Variants in TAS2R1 observed in about 807,000 individuals in gnomAD.
TAS2R1 encodes taste receptor type 2 member 1.
For missense variants in TAS2R1, 370 were observed against 353.4 expected (o/e 1.05, Z -0.38); for synonymous variants, 141 against 134.2 (o/e 1.05, Z -0.35).
chr5:9,666,893 A>G (rs1024707837), intron 1 of TAS2R1, among the ~76,000 whole-genome samples: 1 of 152,196 alleles, frequency 6.6e-6, no homozygotes, highest in African/African-American at 2.4e-5. Context: ...AAATAAAGTG[A>G]TGGGTAAAAT....
chr5:9,748,968 C>T, the TAS2R1 span, among the ~76,000 whole-genome samples: 1,437 of 152,160 alleles, frequency 9.4e-3, 22 homozygotes, highest in African/African-American at 0.033. Flanking sequence ...TTTCCTTTCT[C>T]TCTTCTCATT....
chr5:9,812,762 G>A, the TAS2R1 span, among the ~76,000 whole-genome samples: 29 of 152,248 alleles, frequency 1.9e-4, no homozygotes, highest in African/African-American at 6.7e-4. Context: ...GGTCACTGCC[G>A]TAGAACAGTT....
the TAS2R1 span, among the ~76,000 whole-genome samples, chr5:9,797,460 G>C: frequency 6.6e-6 from 1 of 152,032 alleles, no homozygotes; most frequent in Non-Finnish European, 1.5e-5. Context: ...CACTGCTTCT[G>C]AATGAGAAAA....
chr5:9,755,174 C>T, the TAS2R1 span, among the ~76,000 whole-genome samples: 6 of 152,150 alleles, frequency 3.9e-5, no homozygotes, highest in African/African-American at 1.2e-4. Flanking sequence ...GGGGATATAG[C>T]TTTGTTACCA....
chr5:9,893,320 GT>G, the TAS2R1 span, among the ~76,000 whole-genome samples: 1 of 151,224 alleles, frequency 6.6e-6, no homozygotes, highest in Non-Finnish European at 1.5e-5. Flanking sequence ...TCTAGTCCAT[GT>G]TTTCTTTTGT....
chr5:9,802,548 C>T, the TAS2R1 span, among the ~76,000 whole-genome samples: 1 of 152,132 alleles, frequency 6.6e-6, no homozygotes, highest in South Asian at 2.1e-4. Flanking sequence ...GATCATAGGT[C>T]CAAAGATCTA....
chr5:9,875,219 G>C, the TAS2R1 span, among the ~76,000 whole-genome samples: 14 of 152,318 alleles, frequency 9.2e-5, no homozygotes, highest in East Asian at 2.5e-3. Context: ...ATCAATGAGG[G>C]AGCGGGCAGG....
the TAS2R1 span, among the ~76,000 whole-genome samples, chr5:9,863,788 A>G: frequency 1.9e-4 from 29 of 152,206 alleles, 1 homozygote; most frequent in Middle Eastern, 6.3e-3. Context: ...TATTGGCATC[A>G]TTTGGATAGT....
At chr5:9,787,021 T>C in the TAS2R1 span, among the ~76,000 whole-genome samples, 1 of 152,254 alleles carries the variant, frequency 6.6e-6, no homozygotes, top group Admixed American at 6.5e-5. Context: ...AGAACTTCAG[T>C]GGACTCACTG....
chr5:9,821,652 A>G, the TAS2R1 span, among the ~76,000 whole-genome samples: 1 of 152,264 alleles, frequency 6.6e-6, no homozygotes, highest in Admixed American at 6.5e-5. Flanking sequence ...GAAAGGATAC[A>G]TGAGAAATTG....
At chr5:9,868,210 C>T in the TAS2R1 span, among the ~76,000 whole-genome samples, 1 of 152,246 alleles carries the variant, frequency 6.6e-6, no homozygotes, top group South Asian at 2.1e-4. Context: ...AGTGGGGACT[C>T]TGTGTAGGGG....
chr5:9,738,898 C>G, the TAS2R1 span, among the ~76,000 whole-genome samples: 1 of 152,152 alleles, frequency 6.6e-6, no homozygotes, highest in Admixed American at 6.5e-5. Flanking sequence ...ATTTTTTTCT[C>G]ACACTATAAA....
chr5:9,758,910 G>A, the TAS2R1 span, among the ~76,000 whole-genome samples: 3 of 152,084 alleles, frequency 2.0e-5, no homozygotes, highest in Non-Finnish European at 4.4e-5. Context: ...ATAAACAGGG[G>A]TGAACAGTTT....
At chr5:9,721,043 C>G in the TAS2R1 span, among the ~76,000 whole-genome samples, 2 of 152,174 alleles carry the variant, frequency 1.3e-5, no homozygotes, top group African/African-American at 4.8e-5. Flanking sequence ...CTGCGAGACG[C>G]GAGGTTTCCC....
chr5:9,868,416 G>A, the TAS2R1 span, among the ~76,000 whole-genome samples: 1 of 152,198 alleles, frequency 6.6e-6, no homozygotes, highest in Admixed American at 6.5e-5. Context: ...GCTTGGGTCT[G>A]GAACTCTCTG....
At chr5:9,852,564 G>A in the TAS2R1 span, among the ~76,000 whole-genome samples, 1 of 152,168 alleles carries the variant, frequency 6.6e-6, no homozygotes, top group South Asian at 2.1e-4. Flanking sequence ...GATTCATAAG[G>A]AGGAAGATAA....
At chr5:9,786,471 G>A in the TAS2R1 span, among the ~76,000 whole-genome samples, 5 of 152,154 alleles carry the variant, frequency 3.3e-5, no homozygotes, top group Non-Finnish European at 4.4e-5. Flanking sequence ...TGAGTAAGTG[G>A]TGCCTAGAAT....
chr5:9,802,488 A>G, the TAS2R1 span, among the ~76,000 whole-genome samples: 1 of 152,208 alleles, frequency 6.6e-6, no homozygotes, highest in Non-Finnish European at 1.5e-5. Context: ...AGGAACCAGA[A>G]AAGCAATTCT....
upstream of TAS2R1, among the ~76,000 whole-genome samples, chr5:9,634,207 C>G (rs1055365375): frequency 6.6e-6 from 1 of 152,012 alleles, no homozygotes; most frequent in African/African-American, 2.4e-5. Context: ...TGTCCTTTTC[C>G]CACTTTGTGT....
Sources: allele counts gnomAD v4.1 joint callset (sites outside exome capture counted in the v4.1 genomes callset), GRCh38; gene constraint gnomAD v4.1.1; transcripts MANE v1.5; gene names NCBI Gene and HGNC (gene_info 2026-07-23, HGNC 2026-07-21).